Variants in ENPP6 observed in about 807,000 individuals in gnomAD.
ENPP6 encodes the protein glycerophosphocholine cholinephosphodiesterase ENPP6.
In ENPP6, 32 loss-of-function variants were observed where a neutral mutation model predicts 42.0. The ratio of observed to expected loss-of-function variants is 0.76; its 90% confidence interval spans 0.58 to 1.02. The LOEUF (loss-of-function observed/expected upper bound fraction) is 1.02, where lower values mean the gene tolerates loss of function less well. Among genes scored for constraint, ENPP6 ranks in the 50% least tolerant of loss-of-function variants. The pLI is 0.00. For missense variants in ENPP6, 552 were observed against 566.8 expected, an observed-to-expected ratio of 0.97 and a Z score of 0.27; for synonymous variants, 213 against 216.0, an observed-to-expected ratio of 0.99 and a Z score of 0.12.
chr4:184,172,032 G>T (rs1561000648), intron 1 of ENPP6, among the ~76,000 whole-genome samples: 1 of 152,140 alleles, frequency 6.6e-6, no homozygotes, highest in Non-Finnish European at 1.5e-5. Flanking sequence ...TTTGGAGGGG[G>T]TGGTGAGATG....
chr4:184,211,215 G>C (rs1345089295), intron 1 of ENPP6, among the ~76,000 whole-genome samples: 1 of 152,068 alleles, frequency 6.6e-6, no homozygotes, highest in East Asian at 1.9e-4. Context: ...AAAGCTAGCA[G>C]AAGGCAAGAA....
At chr4:184,171,986 G>A (rs991557637) in intron 1 of ENPP6, among the ~76,000 whole-genome samples, 1 of 152,128 alleles carries the variant, frequency 6.6e-6, no homozygotes, top group Non-Finnish European at 1.5e-5. Flanking sequence ...GAGAGTGTGC[G>A]AGGGAGGTGC....
At chr4:184,169,603 A>C (rs1314399624) in intron 1 of ENPP6, among the ~76,000 whole-genome samples, 1 of 152,060 alleles carries the variant, frequency 6.6e-6, no homozygotes, top group African/African-American at 2.4e-5. Context: ...TCCTCCTCTG[A>C]GCTCACAGCT....
intron 2 of ENPP6, among the ~76,000 whole-genome samples, chr4:184,138,258 A>G (rs1736762551): frequency 6.6e-6 from 1 of 152,228 alleles, no homozygotes; most frequent in Non-Finnish European, 1.5e-5. Context: ...ATAAATAAAT[A>G]TATAGAAATA....
chr4:184,202,610 C>T (rs1052841433), intron 1 of ENPP6, among the ~76,000 whole-genome samples: 24 of 152,206 alleles, frequency 1.6e-4, no homozygotes, highest in Admixed American at 1.6e-3. Flanking sequence ...CCCAAACTAT[C>T]CATGATCACA....
intron 6 of ENPP6, among the ~76,000 whole-genome samples, chr4:184,103,165 T>C (rs1464982952): frequency 1.3e-5 from 2 of 152,230 alleles, no homozygotes; most frequent in Non-Finnish European, 2.9e-5. Context: ...AGGGTGGCCC[T>C]CCAGCTGCTC....
chr4:184,119,376 TC>T (rs1311504812), intron 3 of ENPP6, among the ~76,000 whole-genome samples: 1 of 150,536 alleles, frequency 6.6e-6, no homozygotes, highest in Non-Finnish European at 1.5e-5. Context: ...TCTCATTTAC[TC>T]CTTATAAGCA....
chr4:184,133,888 G>T (rs141275466), intron 2 of ENPP6, among the ~76,000 whole-genome samples: 1,333 of 116,218 alleles, frequency 0.011, 19 homozygotes, highest in African/African-American at 0.036. Flanking sequence ...TTTTTTTTGA[G>T]ATGGAGCCTC....
intron 1 of ENPP6, among the ~76,000 whole-genome samples, chr4:184,196,691 G>A (rs1732805858): frequency 6.6e-6 from 1 of 152,202 alleles, no homozygotes; most frequent in Admixed American, 6.5e-5. Context: ...GTAGAGGATG[G>A]GAGTAAAGCT....
chr4:184,131,206 T>TTCTTTC (rs1736617314), intron 2 of ENPP6, among the ~76,000 whole-genome samples: 1 of 98,818 alleles, frequency 1.0e-5, no homozygotes, highest in African/African-American at 4.5e-5. Context: ...TCTTTCTTCT[T>TTCTTTC]TCTTTCTTTC....
intron 3 of ENPP6, among the ~76,000 whole-genome samples, chr4:184,123,648 G>C (rs557758667): frequency 2.0e-5 from 3 of 152,158 alleles, no homozygotes; most frequent in Non-Finnish European, 2.9e-5. Flanking sequence ...CTATACAAGA[G>C]AGCATTACTA....
chr4:184,160,378 T>C (rs991647008), intron 1 of ENPP6, among the ~76,000 whole-genome samples: 1 of 152,258 alleles, frequency 6.6e-6, no homozygotes, highest in Non-Finnish European at 1.5e-5. Flanking sequence ...ATTGTGGTTT[T>C]GATTTGTATT....
At chr4:184,114,258 G>A (rs186115045) in intron 5 of ENPP6, among the ~76,000 whole-genome samples, 4 of 152,210 alleles carry the variant, frequency 2.6e-5, no homozygotes, top group African/African-American at 9.6e-5. Flanking sequence ...CAGCCATCGC[G>A]CCTGGCCCTG....
At chr4:184,135,589 T>G (rs1736718565) in intron 2 of ENPP6, among the ~76,000 whole-genome samples, 1 of 152,258 alleles carries the variant, frequency 6.6e-6, no homozygotes, top group Admixed American at 6.5e-5. Context: ...AATGTATGTC[T>G]TTATAAGTAG....
At chr4:184,149,473 A>G (rs2111074187) in intron 2 of ENPP6, among the ~76,000 whole-genome samples, 1 of 152,350 alleles carries the variant, frequency 6.6e-6, no homozygotes, top group East Asian at 1.9e-4. Flanking sequence ...CCACTGCTGG[A>G]AAGTGTGGGA....
chr4:184,117,689 G>A, intron 4 of ENPP6, 70 bp downstream of exon 4: 1 of 1,587,232 alleles, frequency 6.3e-7, no homozygotes, highest in Non-Finnish European at 8.6e-7. Flanking sequence ...GTTGACAGGA[G>A]TGACTGTGGA....
chr4:184,131,252 C>CTT (rs1560987429), intron 2 of ENPP6, among the ~76,000 whole-genome samples: 13,154 of 80,828 alleles, frequency 0.16, 2,197 homozygotes, highest in Middle Eastern at 0.25. Context: ...TTCTTTCTTT[C>CTT]TCTTTCTCTT....
At position 184,134,263 on chromosome 4, in the gene ENPP6, A is replaced by G. The variant is rs79450136; in HGVS notation, c.422-9991T>C. Among the ~76,000 whole-genome samples, 48 of 152,134 alleles carry G rather than the reference A, an allele frequency of 3.2e-4. No individual in the cohort carries two copies. The East Asian group carries it at 6.0e-3, about 19-fold the overall frequency. ...CAAGTAGCTGGGATTACAAGTGTGC[A>G]CCACCATGCCTGGCTTGATTTATCT... On this transcript the variant is annotated intron_variant, in intron 2 of 7. Coordinates refer to ENST00000296741, the MANE Select transcript of ENPP6 (RefSeq NM_153343.4).
At chr4:184,093,832 T>G (rs1560975650) in intron 7 of ENPP6, among the ~76,000 whole-genome samples, 2 of 152,082 alleles carry the variant, frequency 1.3e-5, no homozygotes, top group African/African-American at 4.8e-5. Flanking sequence ...GAATGGTTGT[T>G]CCAGCGGCAT....
Sources: gnomAD v4.1 joint callset for allele counts (sites outside exome capture counted in the v4.1 genomes callset) on GRCh38, gnomAD v4.1.1 for gene constraint, MANE v1.5 for transcripts, NCBI Gene and HGNC (gene_info 2026-07-23, HGNC 2026-07-21) for gene names.